The following CCSER1 variants were observed in gnomAD, a reference collection of about 807,000 sequenced individuals.
CCSER1 encodes coiled-coil serine rich protein 1, also known as serine-rich coiled-coil domain-containing protein 1.
Under a neutral mutation model 82.0 loss-of-function variants are expected in CCSER1, and 41 were observed. That is an observed-to-expected ratio of 0.50 (90% CI 0.39 to 0.65). CCSER1 has a LOEUF of 0.65. Among genes scored for constraint, CCSER1 ranks in the 30% least tolerant of loss-of-function variants. The pLI is 0.00. For synonymous variants in CCSER1, 414 were observed against 383.9 expected, an observed-to-expected ratio of 1.08 and a Z score of -0.92; for missense variants, 1,119 against 1,064.2, an observed-to-expected ratio of 1.05 and a Z score of -0.72.
intron 5 of CCSER1, among the ~76,000 whole-genome samples, chr4:90,576,070 C>G (rs756536626): frequency 4.6e-5 from 7 of 151,102 alleles, no homozygotes; most frequent in South Asian, 2.1e-4. Flanking sequence ...TTCTTTGTTT[C>G]TAGTTCTTGG....
At position 91,382,802 on chromosome 4, in the gene CCSER1, G is replaced by A. The variant is rs563327077; in HGVS notation, c.2218-215770G>A. Reference sequence around the variant, plus strand: ...ATCACCCGTCTTCTGCGTCGCTCATGCTGGGAGCTGTAGACTGGAGCTCTT... The same window carrying A: ...ATCACCCGTCTTCTGCGTCGCTCATACTGGGAGCTGTAGACTGGAGCTCTT... On this transcript the variant is annotated intron_variant, in intron 10 of 10. Coordinates refer to ENST00000509176, the MANE Select transcript of CCSER1 (RefSeq NM_001145065.2). 1.1e-4 allele frequency among the ~76,000 whole-genome samples: 17 copies of A among 152,252 alleles called. No homozygotes were observed. The East Asian group carries it at 3.1e-3, about 28-fold the overall frequency.
At chr4:90,473,300 T>C (rs1199726262) in intron 5 of CCSER1, among the ~76,000 whole-genome samples, 1 of 152,208 alleles carries the variant, frequency 6.6e-6, no homozygotes, top group Non-Finnish European at 1.5e-5. Flanking sequence ...TTTGTGACCA[T>C]TGTAAAGTTA....
intron 9 of CCSER1, among the ~76,000 whole-genome samples, chr4:91,037,933 A>T (rs570495662): frequency 1.1e-4 from 17 of 152,066 alleles, no homozygotes; most frequent in East Asian, 5.8e-4. Context: ...AATATGAAAA[A>T]TTTTTTTTCT....
intron 7 of CCSER1, among the ~76,000 whole-genome samples, chr4:90,752,385 T>G (rs1285164245): frequency 1.3e-5 from 2 of 152,114 alleles, no homozygotes; most frequent in East Asian, 1.9e-4. Context: ...CCTTGGCATA[T>G]AAGAAACACT....
chr4:91,007,366 T>G (rs1201686792), intron 9 of CCSER1, among the ~76,000 whole-genome samples: 1 of 152,200 alleles, frequency 6.6e-6, no homozygotes, highest in East Asian at 1.9e-4. Context: ...AGAATTGGTA[T>G]TAGTTCTTTA....
At chr4:90,652,293 A>C (rs1425962790) in intron 6 of CCSER1, among the ~76,000 whole-genome samples, 1 of 152,202 alleles carries the variant, frequency 6.6e-6, no homozygotes, top group Non-Finnish European at 1.5e-5. Context: ...ATGAAGTCAC[A>C]TGTTGCTACT....
At position 90,761,116 on chromosome 4, in the gene CCSER1, G is replaced by A. The variant is rs72875661; in HGVS notation, c.2010+37125G>A. Among the ~76,000 whole-genome samples the A allele has an allele frequency of 3.5e-3, 529 of 152,184 alleles. 1 individual carries two copies. Among genetic ancestry groups the A allele is most frequent in the African/African-American group, 0.012 (505 of 41,542 alleles). On this transcript the variant is annotated intron_variant, in intron 7 of 10. Transcript: ENST00000509176. Reference sequence around the variant, plus strand: ...AATGCCACATATAAATCCCTTAACAGTCACTGATAGATGCTGAATAAACGG... The same window carrying A: ...AATGCCACATATAAATCCCTTAACAATCACTGATAGATGCTGAATAAACGG...
At chr4:90,914,421 A>G (rs1303934412) in intron 8 of CCSER1, among the ~76,000 whole-genome samples, 1 of 152,190 alleles carries the variant, frequency 6.6e-6, no homozygotes, top group African/African-American at 2.4e-5. Flanking sequence ...ATGAAGGCAG[A>G]AATAAAGATG....
At chr4:91,282,697 T>C (rs2149204931) in intron 10 of CCSER1, among the ~76,000 whole-genome samples, 1 of 152,304 alleles carries the variant, frequency 6.6e-6, no homozygotes, top group South Asian at 2.1e-4. Flanking sequence ...GCTCCCTCTT[T>C]AGTATGTCTT....
chr4:91,421,048 T>TG (rs143640933), intron 10 of CCSER1, among the ~76,000 whole-genome samples: 3,314 of 152,186 alleles, frequency 0.022, 107 homozygotes, highest in African/African-American at 0.074. Context: ...TCCCAGTGGC[T>TG]GGGGGTTGGA....
At chr4:90,503,709 A>G (rs1458464327) in intron 5 of CCSER1, among the ~76,000 whole-genome samples, 2 of 152,170 alleles carry the variant, frequency 1.3e-5, no homozygotes, top group Admixed American at 1.3e-4. Context: ...GATGGTTTCC[A>G]GCTTCATCCA....
chr4:90,874,437 TA>T (rs5860208), intron 8 of CCSER1, among the ~76,000 whole-genome samples: 63,177 of 150,408 alleles, frequency 0.42, 13,876 homozygotes, highest in African/African-American at 0.55. Context: ...TTTTTTCCCA[TA>T]AAAAAAAAAT....
intron 1 of CCSER1, among the ~76,000 whole-genome samples, chr4:90,268,334 TACA>T (rs1202099244): frequency 1.3e-5 from 2 of 152,110 alleles, no homozygotes; most frequent in Non-Finnish European, 2.9e-5. Flanking sequence ...AAATAATAAC[TACA>T]ACAATTTCAG....
rs115566815 is a variant in CCSER1 at position 90,935,250 on chromosome 4, A to T, written c.2172+11803A>T. ...GTTTGGATCATGAGAGAGATCTTTC[A>T]TTAATAGATTAATGCCCACCCTGGG... On this transcript the variant is annotated intron_variant, in intron 9 of 10. Transcript: ENST00000509176. Among the ~76,000 whole-genome samples the T allele has an allele frequency of 6.2e-3, 948 of 152,104 alleles. 6 individuals are homozygous for T. The highest frequency in any genetic ancestry group is 0.021 in the African/African-American group (852 of 41,492).
intron 10 of CCSER1, among the ~76,000 whole-genome samples, chr4:91,176,438 G>C (rs1351525222): frequency 6.6e-6 from 1 of 152,114 alleles, no homozygotes; most frequent in Non-Finnish European, 1.5e-5. Flanking sequence ...TCACGATATT[G>C]ATTCTTCCTA....
intron 1 of CCSER1, among the ~76,000 whole-genome samples, chr4:90,151,477 AT>A (rs1177752133): frequency 3.9e-5 from 6 of 152,090 alleles, no homozygotes; most frequent in Admixed American, 2.0e-4. Flanking sequence ...TAGATCAATC[AT>A]TTAAAATCAA....
At chr4:91,353,689 G>A (rs1476631722) in intron 10 of CCSER1, among the ~76,000 whole-genome samples, 4 of 152,134 alleles carry the variant, frequency 2.6e-5, no homozygotes, top group African/African-American at 7.2e-5. Flanking sequence ...GATTGATAGT[G>A]ATTTATATAG....
At chr4:91,006,768 G>A (rs987826602) in intron 9 of CCSER1, among the ~76,000 whole-genome samples, 2 of 152,126 alleles carry the variant, frequency 1.3e-5, no homozygotes, top group African/African-American at 4.8e-5. Flanking sequence ...TGGGATTACA[G>A]GCGGCCTTTT....
intron 9 of CCSER1, among the ~76,000 whole-genome samples, chr4:91,042,022 T>C (rs779057753): frequency 3.3e-5 from 5 of 152,176 alleles, no homozygotes; most frequent in Non-Finnish European, 7.4e-5. Context: ...CATTCAGTTA[T>C]AAAATCTAAC....
Sources: gnomAD v4.1 joint callset for allele counts (sites outside exome capture counted in the v4.1 genomes callset) on GRCh38, gnomAD v4.1.1 for gene constraint, MANE v1.5 for transcripts, NCBI Gene and HGNC (gene_info 2026-07-23, HGNC 2026-07-21) for gene names.